Variants in NAALADL2 observed in about 807,000 individuals in gnomAD.
The protein encoded by NAALADL2 is inactive N-acetylated-alpha-linked acidic dipeptidase-like protein 2.
A neutral mutation model predicts 87.2 loss-of-function variants in NAALADL2; 76 were observed. The ratio of observed to expected loss-of-function variants is 0.87; its 90% CI spans 0.72 to 1.05. The LOEUF (loss-of-function observed/expected upper bound fraction) is 1.05. NAALADL2 is among the 50% of genes least tolerant of loss of function. NAALADL2 has a pLI of 0.00. For synonymous variants in NAALADL2, 354 were observed against 331.0 expected (o/e 1.07, Z -0.75); for missense variants, 1,089 against 945.8 (o/e 1.15, Z -1.99).
intron 13 of NAALADL2, among the ~76,000 whole-genome samples, chr3:175,801,677 A>G (rs999221785): frequency 6.6e-6 from 1 of 152,084 alleles, no homozygotes; most frequent in East Asian, 1.9e-4. Flanking sequence ...ACTAGACCTT[A>G]CATCTCTACT....
intron 9 of NAALADL2, among the ~76,000 whole-genome samples, chr3:175,571,850 C>T (rs955611397): frequency 2.0e-5 from 3 of 152,230 alleles, no homozygotes. Context: ...GTTATCTGGG[C>T]AAATTGGGTT....
At chr3:175,662,217 A>G (rs1732355354) in intron 11 of NAALADL2, among the ~76,000 whole-genome samples, 1 of 151,712 alleles carries the variant, frequency 6.6e-6, no homozygotes, top group African/African-American at 2.4e-5. Flanking sequence ...TTCCTTGGTT[A>G]GATTTATTCC....
intron 9 of NAALADL2, among the ~76,000 whole-genome samples, chr3:175,517,977 C>CAGTGCCA (rs1259381940): frequency 5.9e-5 from 9 of 152,238 alleles, no homozygotes; most frequent in Non-Finnish European, 8.8e-5. Context: ...TCCACTTGGC[C>CAGTGCCA]AGTGCCATGT....
At chr3:174,889,523 A>G (rs1212838890) in intron 1 of NAALADL2, among the ~76,000 whole-genome samples, 1 of 152,002 alleles carries the variant, frequency 6.6e-6, no homozygotes, top group African/African-American at 2.4e-5. Flanking sequence ...GTGTGCCCTT[A>G]TATCTCTCAT....
chr3:175,257,064 T>G (rs1214304151), intron 4 of NAALADL2: 1 of 152,118 alleles, frequency 6.6e-6, no homozygotes, highest in African/African-American at 2.4e-5. Context: ...GAATTTTGAT[T>G]TATTTTATTT....
intron 11 of NAALADL2, among the ~76,000 whole-genome samples, chr3:175,687,920 G>C (rs1394452880): frequency 6.6e-6 from 1 of 151,974 alleles, no homozygotes; most frequent in Non-Finnish European, 1.5e-5. Flanking sequence ...GGCCTCACCA[G>C]AAGCAGATGC....
chr3:175,561,462 C>T (rs1179724116), intron 9 of NAALADL2, among the ~76,000 whole-genome samples: 2 of 151,868 alleles, frequency 1.3e-5, no homozygotes, highest in Non-Finnish European at 2.9e-5. Flanking sequence ...TTCCAAAACC[C>T]AAAAACATAG....
chr3:175,535,203 C>G (rs947422240), intron 9 of NAALADL2, among the ~76,000 whole-genome samples: 1 of 152,150 alleles, frequency 6.6e-6, no homozygotes, highest in African/African-American at 2.4e-5. Context: ...AATATGTTTC[C>G]TGTCTTAGGT....
At chr3:175,512,110 G>A (rs766977702) in intron 9 of NAALADL2, among the ~76,000 whole-genome samples, 27 of 152,054 alleles carry the variant, frequency 1.8e-4, no homozygotes, top group African/African-American at 3.1e-4. Flanking sequence ...TTGGCATAGC[G>A]GTGAGTAGCT....
At chr3:175,658,558 A>G (rs1331215129) in intron 11 of NAALADL2, among the ~76,000 whole-genome samples, 1 of 152,200 alleles carries the variant, frequency 6.6e-6, no homozygotes, top group African/African-American at 2.4e-5. Flanking sequence ...TAGAAATTGA[A>G]TATGATAGCT....
chr3:174,911,685 T>C (rs1315769781), intron 1 of NAALADL2, among the ~76,000 whole-genome samples: 3 of 152,092 alleles, frequency 2.0e-5, no homozygotes, highest in Non-Finnish European at 4.4e-5. Flanking sequence ...TTTCAGTCAT[T>C]TTTAATGAAA....
At chr3:174,636,541 G>A (rs1207941869) in intron 2 of NAALADL2, among the ~76,000 whole-genome samples, 2 of 152,002 alleles carry the variant, frequency 1.3e-5, no homozygotes, top group South Asian at 4.1e-4. Context: ...TGGCCAACAA[G>A]TGTATGAAAA....
At chr3:175,632,762 T>A (rs533947025) in intron 11 of NAALADL2, among the ~76,000 whole-genome samples, 1 of 152,106 alleles carries the variant, frequency 6.6e-6, no homozygotes, top group Non-Finnish European at 1.5e-5. Flanking sequence ...TGTAGTGCTA[T>A]AGAGCACCTA....
intron 13 of NAALADL2, among the ~76,000 whole-genome samples, chr3:175,782,771 G>A (rs1751334046): frequency 6.9e-6 from 1 of 145,178 alleles, no homozygotes; most frequent in Non-Finnish European, 1.5e-5. Context: ...TGGACATGAA[G>A]TCCTTGCCCA....
At chr3:175,689,200 A>T (rs185713189) in intron 11 of NAALADL2, among the ~76,000 whole-genome samples, 1 of 152,312 alleles carries the variant, frequency 6.6e-6, no homozygotes, top group African/African-American at 2.4e-5. Flanking sequence ...TAAAAAATTA[A>T]TGCAAGTGTT....
intron 2 of NAALADL2, among the ~76,000 whole-genome samples, chr3:174,702,262 C>T (rs9872159): frequency 0.44 from 67,091 of 151,816 alleles, 15,070 homozygotes; most frequent in South Asian, 0.52. Context: ...TTGTTTTAAC[C>T]AATAGGCAAT....
intron 5 of NAALADL2, among the ~76,000 whole-genome samples, chr3:175,370,615 T>G (rs1286374536): frequency 2.6e-5 from 4 of 152,184 alleles, no homozygotes; most frequent in Non-Finnish European, 5.9e-5. Context: ...TGCTGCTGAC[T>G]CTACATGTGT....
At chr3:175,269,113 AT>A (rs1444928545) in intron 4 of NAALADL2, among the ~76,000 whole-genome samples, 1 of 142,112 alleles carries the variant, frequency 7.0e-6, no homozygotes, top group Non-Finnish European at 1.6e-5. Context: ...TAATATTTGT[AT>A]TTTCAGTAGA....
intron 1 of NAALADL2, among the ~76,000 whole-genome samples, chr3:174,487,383 GA>G: frequency 6.6e-6 from 1 of 151,988 alleles, no homozygotes; most frequent in Non-Finnish European, 1.5e-5. Flanking sequence ...TTATTTCAAA[GA>G]ATCTCCTAGG....
Sources: gnomAD v4.1 joint callset for allele counts (sites outside exome capture counted in the v4.1 genomes callset) on GRCh38, gnomAD v4.1.1 for gene constraint, MANE v1.5 for transcripts, NCBI Gene and HGNC (gene_info 2026-07-23, HGNC 2026-07-21) for gene names.